PRKG1: variants seen among roughly 807,000 people sequenced by gnomAD.
The protein encoded by PRKG1 is cGMP-dependent protein kinase 1.
A neutral mutation model predicts 88.1 loss-of-function variants in PRKG1; 35 were observed. The ratio of observed to expected loss-of-function variants is 0.40; its 90% CI spans 0.30 to 0.53. The LOEUF (loss-of-function observed/expected upper bound fraction) is 0.53. Among genes scored for constraint, PRKG1 ranks in the 20% least tolerant of loss-of-function variants. The pLI is 0.59. For synonymous variants in PRKG1, 303 were observed against 292.5 expected (o/e 1.04, Z -0.37); for missense variants, 540 against 839.8 (o/e 0.64, Z 4.41).
In PRKG1 at chr10:51,867,183, G is replaced by A. The variant is rs142835526; in HGVS notation, c.699-40324G>A. Among the ~76,000 whole-genome samples, 414 of 152,312 alleles carry A rather than the reference G, an allele frequency of 2.7e-3. 1 individual carries two copies. The highest frequency in any genetic ancestry group is 8.7e-3 in the African/African-American group (362 of 41,582). On this transcript the variant is annotated intron_variant, in intron 4 of 17. Transcript: ENST00000373980. ...GCACAGAGGTTTAAGGACATGTAAT[G>A]TTCCTTGAGAGTTTCAAGAATTTCA...
chr10:51,644,146 G>T (rs967054963), intron 3 of PRKG1, among the ~76,000 whole-genome samples: 1 of 152,004 alleles, frequency 6.6e-6, no homozygotes. Context: ...TTTGAGTCAG[G>T]GTTCAAATTT....
At chr10:51,423,669 T>C (rs2132711592) in intron 2 of PRKG1, among the ~76,000 whole-genome samples, 1 of 152,314 alleles carries the variant, frequency 6.6e-6, no homozygotes, top group East Asian at 1.9e-4. Flanking sequence ...CAATTAATAA[T>C]ATAAACAAAG....
At chr10:52,128,108 G>A in intron 7 of PRKG1, 1 of 985,314 alleles carries the variant, frequency 1.0e-6, no homozygotes. Context: ...TTTGTGCTGT[G>A]TGAACTAAAC....
At chr10:51,370,494 G>A (rs1842680569) in intron 2 of PRKG1, among the ~76,000 whole-genome samples, 1 of 128,396 alleles carries the variant, frequency 7.8e-6, no homozygotes, top group Admixed American at 7.8e-5. Context: ...AAGAGAGAGA[G>A]AGTGTGTGTG....
intron 9 of PRKG1, among the ~76,000 whole-genome samples, chr10:52,223,350 T>C (rs1162846876): frequency 6.6e-6 from 1 of 152,190 alleles, no homozygotes; most frequent in East Asian, 1.9e-4. Flanking sequence ...TCTGTAATTA[T>C]TGACACAGTT....
chr10:51,234,540 C>G (rs1003609895), intron 2 of PRKG1, among the ~76,000 whole-genome samples: 9 of 151,988 alleles, frequency 5.9e-5, no homozygotes, highest in Non-Finnish European at 1.3e-4. Context: ...GTTTTCTTAC[C>G]AAACAGGATT....
chr10:51,527,301 A>G (rs905723541), intron 3 of PRKG1, among the ~76,000 whole-genome samples: 4 of 152,092 alleles, frequency 2.6e-5, no homozygotes, highest in Admixed American at 2.6e-4. Flanking sequence ...TAACATAGAT[A>G]TTATGCAGCC....
chr10:51,218,925 A>G lies in PRKG1; in HGVS notation c.478+65595A>G, dbSNP rs974112021. Among the ~76,000 whole-genome samples the G allele has an allele frequency of 4.6e-5, 7 of 152,256 alleles. No homozygotes were observed. In the South Asian group the frequency reaches 6.2e-4, roughly 14 times the overall value. ...ATAGCAGTCAGAATGTTCAGATACT[A>G]TGGTGGCTTCACTAACTTTGTAGTC... On this transcript the variant is annotated intron_variant, in intron 2 of 17. Coordinates refer to ENST00000373980, the MANE Select transcript of PRKG1 (RefSeq NM_006258.4).
At chr10:52,159,874 G>C (rs1589660030) in intron 8 of PRKG1, among the ~76,000 whole-genome samples, 1 of 151,778 alleles carries the variant, frequency 6.6e-6, no homozygotes, top group Non-Finnish European at 1.5e-5. Context: ...CTAAGTTTTA[G>C]TAATTATTGC....
intron 1 of PRKG1, among the ~76,000 whole-genome samples, chr10:51,012,896 G>T (rs913788520): frequency 6.6e-6 from 1 of 152,198 alleles, no homozygotes; most frequent in Non-Finnish European, 1.5e-5. Context: ...AGACCTAAAA[G>T]ATGAGAAGTA....
intron 2 of PRKG1, among the ~76,000 whole-genome samples, chr10:51,161,580 G>C (rs1846363719): frequency 6.6e-6 from 1 of 152,056 alleles, no homozygotes; most frequent in Non-Finnish European, 1.5e-5. Flanking sequence ...GAAAATTGCT[G>C]TACTTGTTTT....
chr10:51,153,221 G>A lies in PRKG1; in HGVS notation c.369G>A (p.Glu123=). The A allele has an allele frequency of 6.2e-7, 1 of 1,612,564 alleles. No homozygotes were observed. Among genetic ancestry groups the A allele is most frequent in the South Asian group, 1.1e-5 (1 of 91,042 alleles). Residue 123 remains glutamate (E), a synonymous_variant, in exon 2 of 18, where the codon GAG becomes GAA. Coordinates refer to ENST00000373980, the MANE Select transcript of PRKG1 (RefSeq NM_006258.4). ...ILDNDFMKNL[E]LSQIQEIVDC... is the part of the protein sequence containing the mutation. ...ACAATGACTTTATGAAGAACTTGGA[G>A]CTGTCGCAGATCCAGGAGATTGTGG...
chr10:52,273,349 C>T (rs1217864347), intron 12 of PRKG1, among the ~76,000 whole-genome samples: 1 of 152,000 alleles, frequency 6.6e-6, no homozygotes, highest in Admixed American at 6.6e-5. Flanking sequence ...TGAACACTCA[C>T]ATTTAGACAT....
At chr10:51,957,111 T>C (rs1589454744) in intron 5 of PRKG1, among the ~76,000 whole-genome samples, 1 of 114,874 alleles carries the variant, frequency 8.7e-6, no homozygotes, top group Admixed American at 8.7e-5. Flanking sequence ...CTCTCTCTCT[T>C]TCTTTCTTTC....
chr10:51,457,680 A>T (rs75981040), intron 2 of PRKG1, among the ~76,000 whole-genome samples: 5,004 of 152,366 alleles, frequency 0.033, 93 homozygotes, highest in Admixed American at 0.058. Context: ...TGTAGCACGT[A>T]TCAGCAGGTC....
intron 7 of PRKG1, among the ~76,000 whole-genome samples, chr10:52,092,016 C>T (rs1847068672): frequency 6.6e-6 from 1 of 152,150 alleles, no homozygotes; most frequent in Non-Finnish European, 1.5e-5. Flanking sequence ...CTGGGGTTAC[C>T]AGCGTTTCCT....
intron 5 of PRKG1, among the ~76,000 whole-genome samples, chr10:51,947,052 C>T (rs1392127746): frequency 6.6e-6 from 1 of 152,088 alleles, no homozygotes; most frequent in African/African-American, 2.4e-5. Context: ...TTTGTCTGTG[C>T]CCTGCCCCCA....
chr10:52,036,198 T>C (rs7920040), intron 5 of PRKG1, among the ~76,000 whole-genome samples: 124,306 of 151,196 alleles, frequency 0.82, 51,349 homozygotes, highest in Non-Finnish European at 0.88. Context: ...CAAGTGAAAG[T>C]GAAGAGAGGC....
intron 3 of PRKG1, among the ~76,000 whole-genome samples, chr10:51,490,918 A>G (rs1277643074): frequency 9.9e-5 from 15 of 152,090 alleles, no homozygotes; most frequent in Non-Finnish European, 2.2e-4. Context: ...AGAAACATGT[A>G]TTCTGATGTT....
Sources: gnomAD v4.1 joint callset for allele counts (sites outside exome capture counted in the v4.1 genomes callset) on GRCh38, gnomAD v4.1.1 for gene constraint, MANE v1.5 for transcripts, NCBI Gene and HGNC (gene_info 2026-07-23, HGNC 2026-07-21) for gene names.